The following SYT2 variants were observed in gnomAD, a reference collection of about 807,000 sequenced individuals.
SYT2 encodes the protein synaptotagmin 2.
A neutral mutation model predicts 39.9 loss-of-function variants in SYT2; 15 were observed. The ratio of observed to expected loss-of-function variants is 0.38; its 90% CI spans 0.25 to 0.58. SYT2 has a LOEUF of 0.58. Ranked by LOEUF, SYT2 falls within the 20% of genes least tolerant of loss-of-function variation. SYT2 has a pLI of 0.70. For synonymous variants in SYT2, 181 were observed against 204.5 expected, an observed-to-expected ratio of 0.89 and a Z score of 0.98; for missense variants, 389 against 530.3, an observed-to-expected ratio of 0.73 and a Z score of 2.62.
At chr1:202,692,012 C>A (rs1471802733) in intron 1 of SYT2, among the ~76,000 whole-genome samples, 1 of 152,082 alleles carries the variant, frequency 6.6e-6, no homozygotes, top group Non-Finnish European at 1.5e-5. Context: ...GGAGAGCTGC[C>A]AGTCTCTGCC....
chr1:202,659,962 C>T (rs1355840683), intron 1 of SYT2, among the ~76,000 whole-genome samples: 1 of 152,222 alleles, frequency 6.6e-6, no homozygotes, highest in Non-Finnish European at 1.5e-5. Context: ...GGAGGTACCT[C>T]CAGACCTGAG....
At chr1:202,666,817 A>T (rs1329157461) in intron 1 of SYT2, among the ~76,000 whole-genome samples, 2 of 152,190 alleles carry the variant, frequency 1.3e-5, no homozygotes, top group East Asian at 3.9e-4. Flanking sequence ...CCCCGTCTCT[A>T]CCAGAAATAC....
intron 1 of SYT2, among the ~76,000 whole-genome samples, chr1:202,613,208 G>C (rs1690938906): frequency 6.6e-6 from 1 of 150,666 alleles, no homozygotes; most frequent in South Asian, 2.1e-4. Context: ...AACCTCTCTA[G>C]TAGCTGGGAT....
chr1:202,681,105 CCCTGGCTCCTG>C (rs1199072832), intron 1 of SYT2, among the ~76,000 whole-genome samples: 1 of 151,970 alleles, frequency 6.6e-6, no homozygotes, highest in African/African-American at 2.4e-5. Context: ...CCTGGTCCCA[CCCTGGCTCCTG>C]GTCTCACCTA....
At chr1:202,697,055 C>T (rs1427603216) in intron 1 of SYT2, among the ~76,000 whole-genome samples, 1 of 152,248 alleles carries the variant, frequency 6.6e-6, no homozygotes, top group East Asian at 1.9e-4. Flanking sequence ...CCTATCAATG[C>T]TGCCTCCAGT....
intron 1 of SYT2, among the ~76,000 whole-genome samples, chr1:202,661,574 T>C (rs1033620779): frequency 1.3e-5 from 2 of 152,168 alleles, no homozygotes; most frequent in South Asian, 4.1e-4. Context: ...TCGGCAGCCT[T>C]CACACAGCCT....
rs1440986590 is a variant in SYT2, at chr1:202,601,182, C to T, written c.801+708G>A. 1.3e-5 allele frequency among the ~76,000 whole-genome samples: 2 copies of T among 152,206 alleles called. No individual in the cohort carries two copies. Among genetic ancestry groups the T allele is most frequent in the Non-Finnish European group, 2.9e-5 (2 of 68,028 alleles). On this transcript the variant is annotated intron_variant, in intron 6 of 8. Transcript: ENST00000367268. This position sits in a 1 kb window ranked among gnomAD's most constrained non-coding sequence, Gnocchi z 4.0. The stretch of plus-strand genomic sequence containing the variant: ...CCTAATTCCTAAGGCCAACACCACA[C>T]TGCAGAGTCAAAGCTGCTCAAAGTC...
chr1:202,630,325 A>G, intron 1 of SYT2: 1 of 974,586 alleles, frequency 1.0e-6, no homozygotes, highest in Non-Finnish European at 1.2e-6. Flanking sequence ...TGGAGGACAC[A>G]TGGGGAGAGG....
In SYT2 at chr1:202,602,253, C is replaced by T. The variant is rs1572611619; in HGVS notation, c.633+125G>A. 6 of 1,266,312 alleles carry T rather than the reference C, an allele frequency of 4.7e-6. No homozygotes were observed. The East Asian group carries it at 1.4e-4, about 29-fold the overall frequency. The allele number at this position is 1,266,312 out of a possible 1,614,324, so 78.4% of individuals were successfully genotyped here. On this transcript the variant is annotated intron_variant, in intron 5 of 8. Coordinates refer to ENST00000367268, the MANE Select transcript of SYT2 (RefSeq NM_177402.5). ...GATCCTCCATAGAGGCCGGGGTAGC[C>T]CTGCAGTCAAGGCTGCCATTGTTCC...
chr1:202,618,235 T>C (rs1429103321), intron 1 of SYT2, among the ~76,000 whole-genome samples: 1 of 152,098 alleles, frequency 6.6e-6, no homozygotes, highest in Non-Finnish European at 1.5e-5. Context: ...CAGAAGACAC[T>C]GAATTCTGTG....
At chr1:202,630,686 A>T (rs1314808357) in intron 1 of SYT2, among the ~76,000 whole-genome samples, 1 of 152,194 alleles carries the variant, frequency 6.6e-6, no homozygotes, top group Admixed American at 6.5e-5. Context: ...AGACGCCATC[A>T]TCTGGGACCC....
chr1:202,634,015 C>T (rs1180929734), intron 1 of SYT2, among the ~76,000 whole-genome samples: 1 of 152,182 alleles, frequency 6.6e-6, no homozygotes, highest in Non-Finnish European at 1.5e-5. Context: ...GAGCAAAGGG[C>T]CAGAGGCCAG....
chr1:202,661,424 C>T (rs1043137543), intron 1 of SYT2, among the ~76,000 whole-genome samples: 8 of 152,160 alleles, frequency 5.3e-5, no homozygotes, highest in African/African-American at 1.9e-4. Flanking sequence ...CTGCTGAGTA[C>T]AAGGTATATC....
rs559497239 is a variant in SYT2 at position 202,688,756 on chromosome 1, C to A, written c.-18+21502G>T. 1.1e-4 allele frequency among the ~76,000 whole-genome samples: 16 copies of A among 152,318 alleles called. No homozygotes were observed. In the South Asian group the frequency reaches 3.3e-3, roughly 32 times the overall value. On this transcript the variant is annotated intron_variant, in intron 1 of 8. Coordinates refer to ENST00000367268, the MANE Select transcript of SYT2 (RefSeq NM_177402.5). ...GATGGTGGAAGGAGCTTGTGAAATGCTGAAAGGGATGGTTGAGGGCACTGG... is the reference window on the plus strand; with the variant it reads ...GATGGTGGAAGGAGCTTGTGAAATGATGAAAGGGATGGTTGAGGGCACTGG...
At chr1:202,612,402 C>T (rs1013864723) in intron 1 of SYT2, among the ~76,000 whole-genome samples, 3 of 152,190 alleles carry the variant, frequency 2.0e-5, no homozygotes. Context: ...AGGTCTCACT[C>T]TGTCACCCAG....
intron 1 of SYT2, among the ~76,000 whole-genome samples, chr1:202,693,927 G>T (rs533781133): frequency 6.6e-6 from 1 of 152,240 alleles, no homozygotes; most frequent in African/African-American, 2.4e-5. Context: ...ATGGTGAAAG[G>T]TGGAAAGGCA....
At chr1:202,617,131 T>C (rs1288569464) in intron 1 of SYT2, among the ~76,000 whole-genome samples, 2 of 152,154 alleles carry the variant, frequency 1.3e-5, no homozygotes, top group East Asian at 3.8e-4. Flanking sequence ...CTACACTCCT[T>C]CTTTTGTTTC....
intron 1 of SYT2, among the ~76,000 whole-genome samples, chr1:202,663,535 T>G (rs1692426038): frequency 6.6e-6 from 1 of 152,212 alleles, no homozygotes; most frequent in Non-Finnish European, 1.5e-5. Context: ...CGGCAACATT[T>G]TAAATAGATC....
At chr1:202,704,767 A>G (rs1470860745) in intron 1 of SYT2, among the ~76,000 whole-genome samples, 4 of 151,958 alleles carry the variant, frequency 2.6e-5, no homozygotes, top group Non-Finnish European at 5.9e-5. Context: ...TCAGCATGCC[A>G]TCACAGATAG....
Sources: allele counts gnomAD v4.1 joint callset (sites outside exome capture counted in the v4.1 genomes callset), GRCh38; gene constraint gnomAD v4.1.1; non-coding constraint Gnocchi (gnomAD v3.1); transcripts MANE v1.5; gene names NCBI Gene and HGNC (gene_info 2026-07-23, HGNC 2026-07-21).